The following FBXO25 variants were observed in gnomAD, a reference collection of about 807,000 sequenced individuals.
FBXO25 encodes the protein F-box protein 25.
A neutral mutation model predicts 51.9 loss-of-function variants in FBXO25; 45 were observed. The observed-to-expected ratio is 0.87, with a 90% CI of 0.68 to 1.11. The LOEUF (loss-of-function observed/expected upper bound fraction) is 1.11. FBXO25 is among the 50% of genes most tolerant of loss of function. The probability of loss-of-function intolerance (pLI) is 0.00; values close to 1 mark genes in which losing one functional copy is unlikely to be tolerated. For synonymous variants in FBXO25, 199 were observed against 151.0 expected (o/e 1.32, Z -2.33); for missense variants, 507 against 428.5 (o/e 1.18, Z -1.62).
intron 2 of FBXO25, among the ~76,000 whole-genome samples, chr8:420,056 G>A (rs1797056379): frequency 1.3e-5 from 2 of 152,226 alleles, no homozygotes; most frequent in African/African-American, 4.8e-5. Flanking sequence ...TTAATTTATT[G>A]TTAGGGAAAC....
intron 1 of FBXO25, among the ~76,000 whole-genome samples, chr8:409,404 A>C (rs1258359536): frequency 2.6e-5 from 4 of 152,102 alleles, no homozygotes; most frequent in Non-Finnish European, 4.4e-5. Flanking sequence ...ACTCCTTTCA[A>C]CCCTTAAAAA....
chr8:421,686 G>A (rs1239981263), intron 2 of FBXO25, among the ~76,000 whole-genome samples: 1 of 152,156 alleles, frequency 6.6e-6, no homozygotes, highest in African/African-American at 2.4e-5. Flanking sequence ...TTGACAGAGG[G>A]CCTTAGAGCA....
intron 7 of FBXO25, 114 bp from the exon 8 acceptor site, chr8:458,255 G>C: frequency 8.3e-7 from 1 of 1,200,908 alleles, no homozygotes; most frequent in South Asian, 1.5e-5. Context: ...GACATGGAGA[G>C]CTCTTTTTGT....
At chr8:467,235 CAG>C (rs1338169493) in intron 9 of FBXO25, among the ~76,000 whole-genome samples, 4 of 152,142 alleles carry the variant, frequency 2.6e-5, no homozygotes, top group African/African-American at 4.8e-5. Flanking sequence ...GAACAAGTGT[CAG>C]AGGTGGAGGC....
chr8:470,843 A>G lies in FBXO25; in HGVS notation c.*2039A>G, dbSNP rs1802285620. 1 of 151,754 alleles carries G rather than the reference A, an allele frequency of 6.6e-6. No homozygotes were observed. Among genetic ancestry groups the G allele is most frequent in the African/African-American group, 2.4e-5 (1 of 41,278 alleles). The allele number at this position is 151,754 out of a possible 1,614,324, so 9.4% of individuals were successfully genotyped here. ...GAATATTTCCATATATTTATTATCC[A>G]TTTGCTTTTCTTGTTTTTGGTAAAT... On this transcript the variant is annotated 3_prime_UTR_variant, in exon 10 of 10. Coordinates refer to ENST00000350302, the MANE Select transcript of FBXO25 (RefSeq NM_183420.2).
At chr8:439,232 G>A (rs1224642518) in intron 5 of FBXO25, among the ~76,000 whole-genome samples, 2 of 152,184 alleles carry the variant, frequency 1.3e-5, no homozygotes, top group African/African-American at 2.4e-5. Context: ...GAGAAGAACA[G>A]CCTGCCCCCT....
At chr8:420,679 T>G (rs1431380019) in intron 2 of FBXO25, among the ~76,000 whole-genome samples, 1 of 152,196 alleles carries the variant, frequency 6.6e-6, no homozygotes, top group Non-Finnish European at 1.5e-5. Flanking sequence ...AAACCAAACC[T>G]AAAAGGCGTC....
chr8:465,526 T>C (rs547165940), intron 9 of FBXO25, among the ~76,000 whole-genome samples: 77 of 152,320 alleles, frequency 5.1e-4, no homozygotes, highest in Middle Eastern at 3.4e-3. Flanking sequence ...GCTGAGCAAC[T>C]AACAAAGAAA....
Position 470,983 on chromosome 8 carries a change from C to G in FBXO25, c.*2179C>G, listed in dbSNP as rs987771523. 3 of 152,134 alleles carry G rather than the reference C, an allele frequency of 2.0e-5. No homozygotes were observed. Among genetic ancestry groups the G allele is most frequent in the Non-Finnish European group, 4.4e-5 (3 of 68,030 alleles). The allele number at this position is 152,134 out of a possible 1,614,324, so 9.4% of individuals were successfully genotyped here. A position where few individuals can be genotyped will look rare whatever the true frequency, so the allele number is the denominator to read the frequency against. ...GTTGTGGTTCTTTCCCCTAATTTGT[C>G]ATATACTGTTACTGTCATTTAATTG... On this transcript the variant is annotated 3_prime_UTR_variant, in exon 10 of 10. Transcript: ENST00000350302.
intron 1 of FBXO25, 63 bp from the exon 2 acceptor site, chr8:413,010 C>G (rs1275744945): frequency 8.0e-6 from 9 of 1,122,758 alleles, no homozygotes; most frequent in Non-Finnish European, 9.5e-6. Context: ...AATAAATGTT[C>G]TAAGTGAAAA....
chr8:454,719 A>G (rs570431241), intron 7 of FBXO25, among the ~76,000 whole-genome samples: 2 of 152,044 alleles, frequency 1.3e-5, no homozygotes, highest in African/African-American at 4.8e-5. Context: ...GTGAAATCCC[A>G]TCTCTACTAA....
rs768531488 is a variant in FBXO25 at position 431,441 on chromosome 8, C to G, written c.235C>G (p.Gln79Glu). 4 of 1,443,132 alleles carry G rather than the reference C, an allele frequency of 2.8e-6. No homozygotes were observed. In the African/African-American group the frequency reaches 4.3e-5, roughly 16 times the overall value. The allele number at this position is 1,443,132 out of a possible 1,614,324, so 89.4% of individuals were successfully genotyped here. A position where few individuals can be genotyped will look rare whatever the true frequency, so the allele number is the denominator to read the frequency against. ...CCATTTTAGAAATGACACAAATACT[C>G]AAAGTAAGATCATTCTCATTAATTT... Reference protein sequence around the residue: ...KDHFRNDTNTQSFYREKWIYV... With the variant: ...KDHFRNDTNTESFYREKWIYV... Residue 79 changes from glutamine to glutamate, a missense_variant, in exon 3 of 10, where the codon CAA becomes GAA. Gln to Glu is a conservative substitution (Grantham distance 29). Transcript: ENST00000350302.
At chr8:460,629 A>G (rs540505054) in intron 8 of FBXO25, among the ~76,000 whole-genome samples, 2 of 152,316 alleles carry the variant, frequency 1.3e-5, no homozygotes, top group African/African-American at 4.8e-5. Flanking sequence ...TGAGTTCAGA[A>G]AAATCACAGA....
intron 1 of FBXO25, among the ~76,000 whole-genome samples, chr8:412,339 A>G (rs1400811763): frequency 6.6e-6 from 1 of 152,096 alleles, no homozygotes; most frequent in Admixed American, 6.5e-5. Context: ...GTCTTCAAGT[A>G]CTGTTTGACT....
At chr8:431,233 T>A (rs977672780) in intron 2 of FBXO25, 108 bp from the exon 3 acceptor site, 7 of 604,748 alleles carry the variant, frequency 1.2e-5, no homozygotes, top group Non-Finnish European at 2.0e-5. Context: ...CCTTGTGATT[T>A]CAAGCCCACA....
In FBXO25 at chr8:472,878, G is replaced by C. The variant is rs926634463; in HGVS notation, c.*4074G>C. 1.3e-5 allele frequency: 2 copies of C among 152,238 alleles called. No homozygotes were observed. The highest frequency in any genetic ancestry group is 4.8e-5 in the African/African-American group (2 of 41,460). 9.4% of individuals were successfully genotyped at this position (152,238 alleles called of 1,614,324 possible). On this transcript the variant is annotated 3_prime_UTR_variant, in exon 10 of 10. Transcript: ENST00000350302. Reference sequence around the variant, plus strand: ...AAAGTCAGAAGCAAGCCTGCCTTATGAAACTCGACTTTTTAATCTCCCTCT... The same window carrying C: ...AAAGTCAGAAGCAAGCCTGCCTTATCAAACTCGACTTTTTAATCTCCCTCT...
chr8:477,214 AG>A lies in FBXO25; in HGVS notation c.*8411del, dbSNP rs1415801815. ...AGTCATCTAACATACTGTCTATCCT[AG>A]AGAAAGGTCCATTTGCACTTGAGAA... On this transcript the variant is annotated 3_prime_UTR_variant, in exon 10 of 10. Coordinates refer to ENST00000350302, the MANE Select transcript of FBXO25 (RefSeq NM_183420.2). 6.6e-6 allele frequency: 1 copy of A among 152,162 alleles called. No individual in the cohort carries two copies. Among genetic ancestry groups the A allele is most frequent in the Non-Finnish European group, 1.5e-5 (1 of 68,030 alleles). The allele number at this position is 152,162 out of a possible 1,614,324, so 9.4% of individuals were successfully genotyped here.
At chr8:439,047 T>C (rs1220745325) in intron 5 of FBXO25, among the ~76,000 whole-genome samples, 2 of 152,206 alleles carry the variant, frequency 1.3e-5, no homozygotes, top group Non-Finnish European at 2.9e-5. Context: ...TGCACTTCCA[T>C]GAACTCAGAG....
At chr8:458,258 C>T (rs1256908975) in intron 7 of FBXO25, 111 bp from the exon 8 acceptor site, 11 of 1,264,198 alleles carry the variant, frequency 8.7e-6, no homozygotes. Flanking sequence ...ATGGAGAGCT[C>T]TTTTTGTGTT....
Sources: allele counts gnomAD v4.1 joint callset (sites outside exome capture counted in the v4.1 genomes callset), GRCh38; gene constraint gnomAD v4.1.1; transcripts MANE v1.5; gene names NCBI Gene and HGNC (gene_info 2026-07-23, HGNC 2026-07-21).